MRPS31: variants seen among roughly 807,000 people sequenced by gnomAD.
MRPS31 encodes the protein small ribosomal subunit protein mS31.
MRPS31 carries 32 observed loss-of-function variants against 43.1 expected under a neutral mutation model. The observed-to-expected ratio is 0.74, with a 90% CI of 0.56 to 1.00. MRPS31 has a LOEUF of 1.00. Among genes scored for constraint, MRPS31 ranks in the 50% least tolerant of loss-of-function variants. The probability of loss-of-function intolerance (pLI) is 0.00; values close to 1 mark genes in which losing one functional copy is unlikely to be tolerated. For synonymous variants in MRPS31, 165 were observed against 161.6 expected (o/e 1.02, Z -0.16); for missense variants, 437 against 466.7 (o/e 0.94, Z 0.59).
At chr13:40,770,934 A>G (rs1880988832) in intron 1 of MRPS31, 51 bp downstream of exon 1, 2 of 1,611,848 alleles carry the variant, frequency 1.2e-6, no homozygotes, top group East Asian at 2.2e-5. Context: ...CATCGACCCC[A>G]GGAAGTCGGA....
chr13:40,766,450 T>C (rs1257699251), intron 2 of MRPS31, among the ~76,000 whole-genome samples: 1 of 152,090 alleles, frequency 6.6e-6, no homozygotes, highest in African/African-American at 2.4e-5. Flanking sequence ...CGCACCACCA[T>C]GCCCAGCTGA....
At position 40,758,887 on chromosome 13, in the gene MRPS31, A is replaced by T. The variant is rs552265707; in HGVS notation, c.599+61T>A. Reference sequence around the variant, plus strand: ...ATATTATGTGTATTACTCACTAGCCATATGAAAATGGCCCATTTTGAGATA... The same window carrying T: ...ATATTATGTGTATTACTCACTAGCCTTATGAAAATGGCCCATTTTGAGATA... On this transcript the variant is annotated intron_variant, in intron 3 of 6. Transcript: ENST00000323563. 33 of 1,427,340 alleles carry T rather than the reference A, an allele frequency of 2.3e-5. No homozygotes were observed. In the East Asian group the frequency reaches 7.8e-4, roughly 34 times the overall value. 88.4% of individuals were successfully genotyped at this position (1,427,340 alleles called of 1,614,324 possible).
intron 6 of MRPS31, among the ~76,000 whole-genome samples, chr13:40,742,427 G>A (rs558500670): frequency 2.0e-4 from 30 of 152,096 alleles, no homozygotes; most frequent in Non-Finnish European, 3.8e-4. Flanking sequence ...TTGAATTGCT[G>A]TTTCCACTTC....
Position 40,754,013 on chromosome 13 carries a change from A to C in MRPS31, c.814+6T>G, listed in dbSNP as rs202204758. ...CACCTGAGAAAGAGTGTTATTCTTA[A>C]CAAACCTGTTTCAGGTGCTTCTTTA... On this transcript the variant is annotated splice_donor_region_variant and intron_variant, in intron 5 of 6. Transcript: ENST00000323563. 2.9e-5 allele frequency: 45 copies of C among 1,563,650 alleles called. No individual in the cohort carries two copies. Among genetic ancestry groups the C allele is most frequent in the Non-Finnish European group, 2.6e-6 (3 of 1,138,682 alleles).
intron 6 of MRPS31, among the ~76,000 whole-genome samples, chr13:40,740,786 T>G (rs1396770259): frequency 1.3e-4 from 11 of 83,536 alleles, no homozygotes; most frequent in Non-Finnish European, 2.5e-4. Context: ...GGGACTGTGG[T>G]GGGGTGGGGG....
chr13:40,730,357 A>G (rs913184043), intron 6 of MRPS31, among the ~76,000 whole-genome samples: 5 of 151,822 alleles, frequency 3.3e-5, no homozygotes, highest in Non-Finnish European at 5.9e-5. Context: ...CCCTATCTCC[A>G]CTAAAAATAC....
intron 5 of MRPS31, among the ~76,000 whole-genome samples, chr13:40,750,181 C>T (rs1346522441): frequency 1.3e-5 from 2 of 152,130 alleles, no homozygotes; most frequent in African/African-American, 4.8e-5. Context: ...CAATTGTATA[C>T]TACTCAGTAA....
chr13:40,753,407 G>C (rs1245034379), intron 5 of MRPS31, among the ~76,000 whole-genome samples: 2 of 152,164 alleles, frequency 1.3e-5, no homozygotes, highest in Non-Finnish European at 1.5e-5. Context: ...AGCTAATCTG[G>C]ACCTCTGGAT....
chr13:40,729,819 T>A (rs984782503), intron 6 of MRPS31, among the ~76,000 whole-genome samples: 3 of 151,550 alleles, frequency 2.0e-5, no homozygotes, highest in African/African-American at 7.3e-5. Flanking sequence ...ACCTCTGCCT[T>A]CTGGGTTTCA....
At chr13:40,742,874 C>T (rs1374379211) in intron 6 of MRPS31, among the ~76,000 whole-genome samples, 1 of 152,092 alleles carries the variant, frequency 6.6e-6, no homozygotes, top group Non-Finnish European at 1.5e-5. Flanking sequence ...AAACTGGACC[C>T]CTACCTTTGA....
At chr13:40,750,369 T>C (rs1263334944) in intron 5 of MRPS31, among the ~76,000 whole-genome samples, 1 of 152,086 alleles carries the variant, frequency 6.6e-6, no homozygotes, top group Admixed American at 6.6e-5. Context: ...CTACATACTG[T>C]GTGTGGGGTG....
In MRPS31 at chr13:40,731,675, T is replaced by C. The variant is rs1185958365; in HGVS notation, c.959-2074A>G. Among the ~76,000 whole-genome samples, 3 of 151,360 alleles carry C rather than the reference T, an allele frequency of 2.0e-5. No individual in the cohort carries two copies. The East Asian group carries it at 5.8e-4, about 29-fold the overall frequency. ...ATACTTTAAATGTAAATAATCTAAG[T>C]ATACAAATTAAAAGACAGAGACTGG... On this transcript the variant is annotated intron_variant, in intron 6 of 6. Transcript: ENST00000323563.
chr13:40,735,022 C>T (rs1406175671), intron 6 of MRPS31, among the ~76,000 whole-genome samples: 1 of 152,190 alleles, frequency 6.6e-6, no homozygotes, highest in Non-Finnish European at 1.5e-5. Context: ...TCTGAGGTAC[C>T]GGGTTCATCT....
In MRPS31 at chr13:40,729,247, A is replaced by G. The variant is rs143555264; in HGVS notation, c.*125T>C. The G allele has an allele frequency of 2.6e-3, 1,470 of 559,178 alleles. 8 individuals are homozygous for G. The highest frequency in any genetic ancestry group is 3.6e-3 in the Non-Finnish European group (1,164 of 326,830). The allele number at this position is 559,178 out of a possible 1,614,324, so 34.6% of individuals were successfully genotyped here. ...AGTTACCATCATATTTTTGAAAACA[A>G]TGTAACATTTATACCAGCCAAATCA... On this transcript the variant is annotated 3_prime_UTR_variant, in exon 7 of 7. Transcript: ENST00000323563.
chr13:40,756,792 A>G, intron 4 of MRPS31, 81 bp downstream of exon 4: 1 of 1,466,316 alleles, frequency 6.8e-7, no homozygotes, highest in African/African-American at 1.4e-5. Flanking sequence ...AATAATACAC[A>G]CACACACAAT....
At chr13:40,730,822 A>G (rs957926032) in intron 6 of MRPS31, among the ~76,000 whole-genome samples, 1 of 152,148 alleles carries the variant, frequency 6.6e-6, no homozygotes, top group Non-Finnish European at 1.5e-5. Flanking sequence ...GGCCTCCCAA[A>G]GTGCTGGGAT....
intron 6 of MRPS31, among the ~76,000 whole-genome samples, chr13:40,730,072 C>G (rs1879634734): frequency 6.6e-6 from 1 of 151,980 alleles, no homozygotes; most frequent in South Asian, 2.1e-4. Flanking sequence ...ACAACAGTGA[C>G]TTTGGACTAA....
At chr13:40,742,137 ATTAT>A (rs1468194084) in intron 6 of MRPS31, among the ~76,000 whole-genome samples, 1 of 152,210 alleles carries the variant, frequency 6.6e-6, no homozygotes, top group African/African-American at 2.4e-5. Flanking sequence ...AACTTTCATT[ATTAT>A]TTATGTAATT....
intron 5 of MRPS31, among the ~76,000 whole-genome samples, chr13:40,751,736 GTATTT>G (rs892330987): frequency 6.6e-6 from 1 of 152,156 alleles, no homozygotes; most frequent in African/African-American, 2.4e-5. Context: ...TGCTATTCTT[GTATTT>G]AATTGGGAAC....
Sources: allele counts gnomAD v4.1 joint callset (sites outside exome capture counted in the v4.1 genomes callset), GRCh38; gene constraint gnomAD v4.1.1; transcripts MANE v1.5; gene names NCBI Gene and HGNC (gene_info 2026-07-23, HGNC 2026-07-21).